GPAT3: variants seen among roughly 807,000 people sequenced by gnomAD.
GPAT3 encodes 1-AGP acyltransferase 9.
Under a neutral mutation model 58.8 loss-of-function variants are expected in GPAT3, and 53 were observed. The ratio of observed to expected loss-of-function variants is 0.90; its 90% CI spans 0.72 to 1.13. GPAT3 has a LOEUF of 1.13. Among genes scored for constraint, GPAT3 ranks in the 50% most tolerant of loss-of-function variants. The pLI, the probability that GPAT3 is intolerant of heterozygous loss-of-function variation, is 0.00. For synonymous variants in GPAT3, 197 were observed against 187.4 expected (o/e 1.05, Z -0.42); for missense variants, 511 against 527.6 (o/e 0.97, Z 0.31).
rs772639676 is a variant in GPAT3, at chr4:83,598,163, C to T, written c.1109C>T (p.Pro370Leu). Reference sequence around the variant, plus strand: ...ATCGTCTGTGACGTGTGGTACATGCCCCCCATGACCAGAGAGGTATTCCTT... The same window carrying T: ...ATCGTCTGTGACGTGTGGTACATGCTCCCCATGACCAGAGAGGTATTCCTT... Reference protein sequence around the residue: ...WAIVCDVWYMPPMTREEGEDA... With the variant: ...WAIVCDVWYMLPMTREEGEDA... The change falls in exon 10 of 12, where the codon CCC becomes CTC. Residue 370 changes from proline to leucine, a missense_variant. Transcript: ENST00000264409. 5 of 1,612,514 alleles carry T rather than the reference C, an allele frequency of 3.1e-6. No homozygotes were observed. Among genetic ancestry groups the T allele is most frequent in the East Asian group, 2.2e-5 (1 of 44,776 alleles).
At chr4:83,600,084 AGG>A (rs1328134608) in intron 11 of GPAT3, among the ~76,000 whole-genome samples, 1 of 152,148 alleles carries the variant, frequency 6.6e-6, no homozygotes, top group African/African-American at 2.4e-5. Flanking sequence ...ACCTTGGATA[AGG>A]GGGGAGTTAC....
intron 1 of GPAT3, 115 bp downstream of exon 1, chr4:83,536,878 G>A: frequency 2.1e-6 from 2 of 933,584 alleles, no homozygotes; most frequent in Non-Finnish European, 3.2e-6. Flanking sequence ...GCGTGTGCAT[G>A]CGTGCGTGCA....
intron 7 of GPAT3, chr4:83,595,183 T>G: frequency 2.5e-6 from 1 of 406,784 alleles, no homozygotes; most frequent in Non-Finnish European, 4.5e-6. Context: ...GCCAATGTAT[T>G]TATATTGCTG....
At chr4:83,561,258 CAG>C (rs1578172088) in intron 2 of GPAT3, among the ~76,000 whole-genome samples, 1 of 152,110 alleles carries the variant, frequency 6.6e-6, no homozygotes, top group Non-Finnish European at 1.5e-5. Flanking sequence ...AAAAACAAAA[CAG>C]AATTTTTTTA....
chr4:83,557,880 C>T (rs1042264356), intron 2 of GPAT3, among the ~76,000 whole-genome samples: 1 of 152,144 alleles, frequency 6.6e-6, no homozygotes, highest in Non-Finnish European at 1.5e-5. Flanking sequence ...TGATTGGAGA[C>T]TCAGAGTTTT....
At position 83,577,514 on chromosome 4, in the gene GPAT3, A is replaced by T. The variant is rs186372511; in HGVS notation, c.209-4048A>T. 1.2e-3 allele frequency among the ~76,000 whole-genome samples: 179 copies of T among 152,266 alleles called. 2 individuals carry two copies. The highest frequency in any genetic ancestry group is 4.1e-3 in the African/African-American group (170 of 41,542). ...TACATATTCTAAGTGGCTCAGGAAA[A>T]TTTTTTTATATACATATAAAGATAG... On this transcript the variant is annotated intron_variant, in intron 2 of 11. Transcript: ENST00000264409.
intron 11 of GPAT3, among the ~76,000 whole-genome samples, chr4:83,602,655 A>T (rs1727102958): frequency 1.3e-5 from 2 of 152,174 alleles, no homozygotes; most frequent in African/African-American, 4.8e-5. Context: ...GAGCAGCATG[A>T]GGTTTACTGG....
chr4:83,582,697 G>A (rs950544717), intron 3 of GPAT3, among the ~76,000 whole-genome samples: 3 of 152,098 alleles, frequency 2.0e-5, no homozygotes, highest in African/African-American at 7.2e-5. Context: ...GCCTATGCTT[G>A]CCTCATTCAG....
intron 3 of GPAT3, among the ~76,000 whole-genome samples, chr4:83,583,667 GAAA>G (rs749976752): frequency 4.3e-5 from 1 of 23,462 alleles, no homozygotes; most frequent in Non-Finnish European, 7.2e-5. Flanking sequence ...ACTCTTGTCT[GAAA>G]AAAAAAAAAA....
intron 2 of GPAT3, among the ~76,000 whole-genome samples, chr4:83,581,095 CA>C (rs35894737): frequency 0.016 from 1,115 of 70,236 alleles, 4 homozygotes; most frequent in African/African-American, 0.069. Flanking sequence ...GACTCCGTCT[CA>C]AAAAAAAAAA....
chr4:83,541,362 C>T (rs1452662896), intron 1 of GPAT3, among the ~76,000 whole-genome samples: 1 of 149,390 alleles, frequency 6.7e-6, no homozygotes, highest in Non-Finnish European at 1.5e-5. Flanking sequence ...GGCCCACAGA[C>T]GTGTACCACC....
intron 11 of GPAT3, among the ~76,000 whole-genome samples, chr4:83,601,125 T>C (rs893615678): frequency 2.0e-5 from 3 of 152,220 alleles, no homozygotes; most frequent in African/African-American, 7.2e-5. Flanking sequence ...TAGGTTCTTG[T>C]AGGCTGTGAC....
At chr4:83,538,465 C>T (rs1724182174) in intron 1 of GPAT3, among the ~76,000 whole-genome samples, 1 of 152,232 alleles carries the variant, frequency 6.6e-6, no homozygotes, top group Non-Finnish European at 1.5e-5. Context: ...AGATGATCCT[C>T]TTCAGCTGGT....
At chr4:83,594,057 T>C (rs1038045296) in intron 6 of GPAT3, among the ~76,000 whole-genome samples, 1 of 152,314 alleles carries the variant, frequency 6.6e-6, no homozygotes, top group Middle Eastern at 3.4e-3. Flanking sequence ...TAAACACATG[T>C]ATGCATATTA....
At chr4:83,542,509 G>T (rs947282660) in intron 1 of GPAT3, among the ~76,000 whole-genome samples, 1 of 152,198 alleles carries the variant, frequency 6.6e-6, no homozygotes, top group Non-Finnish European at 1.5e-5. Context: ...TTCTTGTTTG[G>T]CTCTGTGGGT....
At chr4:83,537,572 AT>A (rs1371162070) in intron 1 of GPAT3, among the ~76,000 whole-genome samples, 8 of 149,666 alleles carry the variant, frequency 5.3e-5, no homozygotes, top group African/African-American at 2.0e-4. Context: ...TTAAAAAAAA[AT>A]TTAATTATAT....
intron 2 of GPAT3, among the ~76,000 whole-genome samples, chr4:83,551,808 A>G (rs1447729360): frequency 1.4e-5 from 1 of 70,700 alleles, no homozygotes; most frequent in Non-Finnish European, 2.9e-5. Context: ...AAAAAAAAAA[A>G]AAAAAATCTA....
At chr4:83,582,191 C>T (rs577210896) in intron 3 of GPAT3, among the ~76,000 whole-genome samples, 1 of 152,304 alleles carries the variant, frequency 6.6e-6, no homozygotes, top group African/African-American at 2.4e-5. Flanking sequence ...GAGCATCAGC[C>T]AAACTGTAAG....
At chr4:83,579,017 CCT>C (rs1399807117) in intron 2 of GPAT3, among the ~76,000 whole-genome samples, 3,258 of 46,096 alleles carry the variant, frequency 0.071, 668 homozygotes, top group African/African-American at 0.1. Context: ...TCCTTCTTTC[CCT>C]TTCTTTCTTT....
Sources: allele counts gnomAD v4.1 joint callset (sites outside exome capture counted in the v4.1 genomes callset), GRCh38; gene constraint gnomAD v4.1.1; transcripts MANE v1.5; gene names NCBI Gene and HGNC (gene_info 2026-07-23, HGNC 2026-07-21).